The following MEGF10 variants were observed in gnomAD, a reference collection of about 807,000 sequenced individuals.
MEGF10 encodes the protein multiple epidermal growth factor-like domains protein 10.
In MEGF10, 86 loss-of-function variants were observed where a neutral mutation model predicts 147.5. The ratio of observed to expected loss-of-function variants is 0.58; its 90% CI spans 0.49 to 0.70. The LOEUF (loss-of-function observed/expected upper bound fraction) is 0.70, where lower values mean the gene tolerates loss of function less well. Among genes scored for constraint, MEGF10 ranks in the 30% least tolerant of loss-of-function variants. MEGF10 has a pLI of 0.00. For missense variants in MEGF10, 1,329 were observed against 1,487.3 expected (o/e 0.89, Z 1.75); for synonymous variants, 478 against 525.5 (o/e 0.91, Z 1.24).
At chr5:127,388,721 AT>A (rs1212260366) in intron 5 of MEGF10, among the ~76,000 whole-genome samples, 3 of 149,566 alleles carry the variant, frequency 2.0e-5, no homozygotes. Context: ...AATTTTTTGT[AT>A]TTTTAGTAGA....
intron 23 of MEGF10, 120 bp from the exon 24 acceptor site, chr5:127,455,281 A>ATTATT (rs764345080): frequency 4.7e-5 from 40 of 860,024 alleles, no homozygotes; most frequent in Non-Finnish European, 7.0e-5. Flanking sequence ...AAGGTACAGT[A>ATTATT]TTATTTTCAG....
rs552868752 is a variant in MEGF10, at chr5:127,383,537, A to G, written c.413-12995A>G. On this transcript the variant is annotated intron_variant, in intron 5 of 24. Coordinates refer to ENST00000503335, the MANE Select transcript of MEGF10 (RefSeq NM_001256545.2). ...GTGAAAACAAAAGATTCACAGCAAC[A>G]TGAACATTTTATATAAAGCTAATAC... Among the ~76,000 whole-genome samples, 5 of 152,290 alleles carry G rather than the reference A, an allele frequency of 3.3e-5. No individual in the cohort carries two copies. The South Asian group carries it at 8.3e-4, about 25-fold the overall frequency.
At chr5:127,359,735 G>A (rs1762408353) in intron 4 of MEGF10, among the ~76,000 whole-genome samples, 1 of 152,076 alleles carries the variant, frequency 6.6e-6, no homozygotes, top group Admixed American at 6.6e-5. Flanking sequence ...TGCTGAGTAG[G>A]ATTCTATTGT....
chr5:127,324,566 A>G (rs1313820288), intron 1 of MEGF10, among the ~76,000 whole-genome samples: 1 of 152,030 alleles, frequency 6.6e-6, no homozygotes, highest in Non-Finnish European at 1.5e-5. Context: ...CTACCACCCT[A>G]GGAAGGTCGT....
At chr5:127,390,028 A>G (rs1404427652) in intron 5 of MEGF10, among the ~76,000 whole-genome samples, 1 of 152,218 alleles carries the variant, frequency 6.6e-6, no homozygotes, top group African/African-American at 2.4e-5. Flanking sequence ...TTTACTGCCA[A>G]AAGGATACAT....
rs200848884 is a variant in MEGF10 at position 127,455,571 on chromosome 5, A to T, written c.3196A>T (p.Asn1066Tyr). The T allele has an allele frequency of 1.3e-5, 21 of 1,614,036 alleles. No individual in the cohort carries two copies. The highest frequency in any genetic ancestry group is 1.7e-5 in the Admixed American group (1 of 60,004). The change falls in exon 24 of 25, where the codon AAC (asparagine) becomes TAC (tyrosine). Residue 1066 changes from asparagine (N) to tyrosine (Y), a missense_variant. Asn to Tyr is a moderately radical substitution (Grantham distance 143). Around this residue, in one of 3 missense-constraint regions of MEGF10, gnomAD observed 343 missense variants for 377.9 expected, o/e 0.91. Transcript: ENST00000503335. ...AGATTCCCCATATGCAGAGATCAATAACTCAACTTCAGCCAACAGGAATGT... is the reference window on the plus strand; with the variant it reads ...AGATTCCCCATATGCAGAGATCAATTACTCAACTTCAGCCAACAGGAATGT... ...RRDSPYAEIN[N>Y]STSANRNVYE...
At chr5:127,325,744 A>G (rs1292908542) in intron 1 of MEGF10, among the ~76,000 whole-genome samples, 1 of 151,360 alleles carries the variant, frequency 6.6e-6, no homozygotes, top group East Asian at 1.9e-4. Context: ...AGTAAACTTC[A>G]CTTCATGCTA....
At chr5:127,257,040 C>T in the MEGF10 span, among the ~76,000 whole-genome samples, 1 of 152,066 alleles carries the variant, frequency 6.6e-6, no homozygotes, top group Non-Finnish European at 1.5e-5. Context: ...GAACAATGGC[C>T]TTGGGCAAAG....
chr5:127,372,243 A>G (rs1019927544), intron 5 of MEGF10, among the ~76,000 whole-genome samples: 3 of 152,328 alleles, frequency 2.0e-5, no homozygotes, highest in Non-Finnish European at 1.5e-5. Context: ...GGCTCCTTGT[A>G]TCACTTAAGA....
chr5:127,368,795 G>A (rs1221510169), intron 4 of MEGF10, among the ~76,000 whole-genome samples: 1 of 151,908 alleles, frequency 6.6e-6, no homozygotes, highest in Non-Finnish European at 1.5e-5. Flanking sequence ...ATACACCTTA[G>A]TGCATAAATC....
intron 2 of MEGF10, among the ~76,000 whole-genome samples, chr5:127,334,424 T>A (rs1336506392): frequency 6.6e-6 from 1 of 152,142 alleles, no homozygotes; most frequent in Non-Finnish European, 1.5e-5. Context: ...CCAGGGAGGT[T>A]TGTCTGCATA....
chr5:127,427,189 A>C (rs1377280451), intron 13 of MEGF10, among the ~76,000 whole-genome samples: 1 of 152,192 alleles, frequency 6.6e-6, no homozygotes, highest in East Asian at 1.9e-4. Flanking sequence ...CTGGTGACCC[A>C]GGCAGGCAGT....
intron 22 of MEGF10, among the ~76,000 whole-genome samples, chr5:127,454,067 G>A (rs1766263280): frequency 6.6e-6 from 1 of 152,190 alleles, no homozygotes; most frequent in Non-Finnish European, 1.5e-5. Flanking sequence ...GCTGAATAAA[G>A]AAGGGCAAGA....
At chr5:127,422,219 T>C (rs1456794360) in intron 12 of MEGF10, among the ~76,000 whole-genome samples, 2 of 151,854 alleles carry the variant, frequency 1.3e-5, no homozygotes, top group Non-Finnish European at 2.9e-5. Context: ...TAGAAAGAGG[T>C]GATTAAGATG....
At chr5:127,447,354 C>T (rs949195856) in intron 20 of MEGF10, among the ~76,000 whole-genome samples, 5 of 151,806 alleles carry the variant, frequency 3.3e-5, no homozygotes, top group African/African-American at 1.2e-4. Flanking sequence ...TTTTTTTGTA[C>T]TTTTAGTAGA....
the MEGF10 span, among the ~76,000 whole-genome samples, chr5:127,260,515 T>C: frequency 2.6e-5 from 4 of 152,140 alleles, no homozygotes; most frequent in Admixed American, 6.5e-5. Context: ...AACCAATTAT[T>C]AGAAAGATAA....
chr5:127,325,377 T>C (rs1392182072), intron 1 of MEGF10, among the ~76,000 whole-genome samples: 1 of 152,140 alleles, frequency 6.6e-6, no homozygotes, highest in Non-Finnish European at 1.5e-5. Context: ...TTAATGAGTA[T>C]TGTTTGTAGA....
intron 20 of MEGF10, among the ~76,000 whole-genome samples, chr5:127,447,354 C>G (rs949195856): frequency 6.6e-6 from 1 of 151,810 alleles, no homozygotes; most frequent in South Asian, 2.1e-4. Context: ...TTTTTTTGTA[C>G]TTTTAGTAGA....
the MEGF10 span, among the ~76,000 whole-genome samples, chr5:127,275,058 A>C: frequency 0.4 from 60,502 of 152,002 alleles, 12,545 homozygotes; most frequent in Middle Eastern, 0.54. Context: ...GAAAGAATGA[A>C]AGTCTGTTGA....
Sources: gnomAD v4.1 joint callset for allele counts (sites outside exome capture counted in the v4.1 genomes callset) on GRCh38, gnomAD v4.1.1 for gene constraint, gnomAD v4.1.1 regional missense constraint, MANE v1.5 for transcripts, NCBI Gene and HGNC (gene_info 2026-07-23, HGNC 2026-07-21) for gene names.